Variants in SNAP91 observed in about 807,000 individuals in gnomAD.
SNAP91 encodes synaptosome associated protein 91.
In SNAP91, 27 loss-of-function variants were observed where a neutral mutation model predicts 100.3. That is an observed-to-expected ratio of 0.27 (90% CI 0.20 to 0.37). SNAP91 has a LOEUF of 0.37. Among genes scored for constraint, SNAP91 ranks in the 10% least tolerant of loss-of-function variants. The pLI, the probability that SNAP91 is intolerant of heterozygous loss-of-function variation, is 1.00. For missense variants in SNAP91, 986 were observed against 1,123.7 expected, an observed-to-expected ratio of 0.88 and a Z score of 1.75; for synonymous variants, 404 against 398.6, an observed-to-expected ratio of 1.01 and a Z score of -0.16.
chr6:83,597,261 A>T (rs1454225704), intron 16 of SNAP91, among the ~76,000 whole-genome samples: 1 of 152,194 alleles, frequency 6.6e-6, no homozygotes, highest in Non-Finnish European at 1.5e-5. Flanking sequence ...TCACTGTCTG[A>T]CTGCAGCCAC....
At chr6:83,645,351 C>T (rs565894721) in intron 7 of SNAP91, among the ~76,000 whole-genome samples, 44 of 152,004 alleles carry the variant, frequency 2.9e-4, no homozygotes, top group Admixed American at 2.0e-3. Flanking sequence ...ATCCTAAACA[C>T]GCACAGCCTC....
Position 83,623,420 on chromosome 6 carries a change from A to G in SNAP91, c.766-78T>C, listed in dbSNP as rs1260119481. 3 of 1,023,342 alleles carry G rather than the reference A, an allele frequency of 2.9e-6. No homozygotes were observed. In the African/African-American group the frequency reaches 4.8e-5, roughly 16 times the overall value. 63.4% of individuals were successfully genotyped at this position (1,023,342 alleles called of 1,614,324 possible). A position where few individuals can be genotyped will look rare whatever the true frequency, so the allele number is the denominator to read the frequency against. On this transcript the variant is annotated intron_variant, in intron 8 of 29. Transcript: ENST00000369694. ...CATTTAATGGAAGATCACCTACACA[A>G]TTAGTTTAAACAGCTCAATATTGGT...
At chr6:83,688,836 G>A (rs2099095924) in intron 2 of SNAP91, among the ~76,000 whole-genome samples, 1 of 152,018 alleles carries the variant, frequency 6.6e-6, no homozygotes. Flanking sequence ...CCACTTCTGT[G>A]CTTTCAAAAC....
chr6:83,569,158 G>A (rs1802142992), intron 26 of SNAP91, among the ~76,000 whole-genome samples: 1 of 152,272 alleles, frequency 6.6e-6, no homozygotes, highest in African/African-American at 2.4e-5. Context: ...AAGAGAGCCT[G>A]TATATTGTGG....
intron 28 of SNAP91, 97 bp from the exon 29 acceptor site, chr6:83,556,342 GGAGAGAGAGAGAGA>G (rs1184252930): frequency 5.1e-4 from 10 of 19,734 alleles, no homozygotes; most frequent in Non-Finnish European, 8.7e-4. Context: ...AGGGAGAGGG[GGAGAGAGAGAGAGA>G]GAGAGAGAGA....
intron 2 of SNAP91, among the ~76,000 whole-genome samples, chr6:83,680,319 C>T (rs60532744): frequency 0.029 from 4,343 of 152,150 alleles, 76 homozygotes; most frequent in East Asian, 0.059. Flanking sequence ...TGTATGGCAA[C>T]GTCCCTCTTA....
intron 5 of SNAP91, 122 bp from the exon 6 acceptor site, chr6:83,659,214 T>G (rs1261013716): frequency 5.6e-6 from 4 of 710,854 alleles, no homozygotes; most frequent in Non-Finnish European, 9.2e-6. Flanking sequence ...GTGGGATCAA[T>G]TTGAGGTATT....
intron 22 of SNAP91, among the ~76,000 whole-genome samples, chr6:83,583,169 A>G (rs1830828312): frequency 6.6e-6 from 1 of 152,070 alleles, no homozygotes; most frequent in Admixed American, 6.5e-5. Flanking sequence ...TTGCCCTCAC[A>G]CTGCTACCCA....
At chr6:83,667,932 C>T (rs978667191) in intron 2 of SNAP91, among the ~76,000 whole-genome samples, 9 of 152,148 alleles carry the variant, frequency 5.9e-5, no homozygotes, top group African/African-American at 2.2e-4. Flanking sequence ...ATCTACTCAT[C>T]TGACAAAGGG....
At chr6:83,642,769 T>A (rs1013386917) in intron 7 of SNAP91, among the ~76,000 whole-genome samples, 19 of 152,164 alleles carry the variant, frequency 1.2e-4, no homozygotes, top group Non-Finnish European at 2.4e-4. Context: ...TGCCACACTG[T>A]CTTCCACAAT....
Position 83,649,856 on chromosome 6 carries a change from T to C in SNAP91, c.658+6898A>G, listed in dbSNP as rs184275224. ...TGCCCACCTTGGCCTCCCAAAGTGT[T>C]GGGATTACAGGCGTGAGCCACCACG... On this transcript the variant is annotated intron_variant, in intron 7 of 29. Coordinates refer to ENST00000369694, the MANE Select transcript of SNAP91 (RefSeq NM_001242792.2). 7.1e-4 allele frequency among the ~76,000 whole-genome samples: 108 copies of C among 152,262 alleles called. 1 individual carries two copies. Among genetic ancestry groups the C allele is most frequent in the Middle Eastern group, 3.4e-3 (1 of 294 alleles).
intron 2 of SNAP91, among the ~76,000 whole-genome samples, chr6:83,676,110 CAAA>C (rs34754235): frequency 8.2e-5 from 11 of 134,072 alleles, no homozygotes; most frequent in Admixed American, 7.6e-5. Context: ...GACCCTATCT[CAAA>C]AAAAAAAAAA....
intron 7 of SNAP91, among the ~76,000 whole-genome samples, chr6:83,651,157 G>A (rs1418841195): frequency 2.6e-5 from 4 of 151,440 alleles, no homozygotes; most frequent in Non-Finnish European, 5.9e-5. Context: ...TTCTTTGTCT[G>A]GCTAGAGACT....
In SNAP91 at chr6:83,601,353, A is replaced by T. The variant is rs1194367358; in HGVS notation, c.1242T>A (p.Thr414=). ...FAPEPTPPTT[T]AEIATASASA... ...AAGCTGAGGCAGTTGCAATTTCAGC[A>T]GTTGTAGTAGGAGGGGTAGGTTCTG... Residue 414 remains threonine, a synonymous_variant, in exon 16 of 30, where the codon ACT becomes ACA. Transcript: ENST00000369694. 15 of 1,613,602 alleles carry T rather than the reference A, an allele frequency of 9.3e-6. No homozygotes were observed. The highest frequency in any genetic ancestry group is 1.3e-5 in the Non-Finnish European group (15 of 1,179,824).
intron 7 of SNAP91, among the ~76,000 whole-genome samples, chr6:83,656,109 T>C (rs1188690067): frequency 6.6e-6 from 1 of 152,124 alleles, no homozygotes; most frequent in African/African-American, 2.4e-5. Flanking sequence ...GTGTAGCAAC[T>C]AACTGTTGGC....
chr6:83,653,451 T>TAAAA (rs2098282770), intron 7 of SNAP91, among the ~76,000 whole-genome samples: 1 of 152,298 alleles, frequency 6.6e-6, no homozygotes, highest in African/African-American at 2.4e-5. Context: ...TTTTGCCCTC[T>TAAAA]AGTACTTCTT....
intron 8 of SNAP91, among the ~76,000 whole-genome samples, chr6:83,637,834 C>T (rs768370530): frequency 2.6e-5 from 4 of 152,196 alleles, no homozygotes; most frequent in South Asian, 4.1e-4. Flanking sequence ...GATCTCAGCA[C>T]GATACTCGTG....
intron 7 of SNAP91, among the ~76,000 whole-genome samples, chr6:83,643,572 A>G (rs1286459565): frequency 6.6e-6 from 1 of 152,142 alleles, no homozygotes; most frequent in Non-Finnish European, 1.5e-5. Context: ...TACCGGTACC[A>G]TGTTGTTTTG....
At chr6:83,647,947 G>A (rs1339780420) in intron 7 of SNAP91, among the ~76,000 whole-genome samples, 1 of 152,190 alleles carries the variant, frequency 6.6e-6, no homozygotes, top group Non-Finnish European at 1.5e-5. Flanking sequence ...CACGTGGTGA[G>A]AGAGTGCATG....
Sources: allele counts gnomAD v4.1 joint callset (sites outside exome capture counted in the v4.1 genomes callset), GRCh38; gene constraint gnomAD v4.1.1; transcripts MANE v1.5; gene names NCBI Gene and HGNC (gene_info 2026-07-23, HGNC 2026-07-21).